TBC1D22A: variants seen among roughly 807,000 people sequenced by gnomAD.
TBC1D22A encodes TBC1 domain family member 22A.
In TBC1D22A, 38 loss-of-function variants were observed where a neutral mutation model predicts 60.2. The ratio of observed to expected loss-of-function variants is 0.63; its 90% CI spans 0.49 to 0.83. TBC1D22A has a LOEUF of 0.83. Among genes scored for constraint, TBC1D22A ranks in the 40% least tolerant of loss-of-function variants. TBC1D22A has a pLI of 0.00. For synonymous variants in TBC1D22A, 302 were observed against 281.7 expected (o/e 1.07, Z -0.72); for missense variants, 628 against 701.0 (o/e 0.90, Z 1.18).
chr22:47,173,531 G>A lies in TBC1D22A; in HGVS notation c.1459G>A (p.Ala487Thr). ...GCTCTTCCTCCAGAACCTGCCCACA[G>A]CCCACTGGGATGATGAGGACATCAG... The part of the protein sequence containing the change: ...LLLFLQNLPT[A>T]HWDDEDISLL... Residue 487 changes from alanine to threonine, a missense_variant, in exon 13 of 13, where the codon GCC (alanine) becomes ACC (threonine). Transcript: ENST00000337137. 6.2e-7 allele frequency: 1 copy of A among 1,614,128 alleles called. No individual in the cohort carries two copies. Among genetic ancestry groups the A allele is most frequent in the Non-Finnish European group, 8.5e-7 (1 of 1,180,000 alleles).
At chr22:46,920,361 G>A (rs983923447) in intron 8 of TBC1D22A, among the ~76,000 whole-genome samples, 2 of 151,866 alleles carry the variant, frequency 1.3e-5, no homozygotes, top group Admixed American at 6.5e-5. Context: ...TTACAGGCAC[G>A]AGCCACTGTG....
chr22:46,958,178 C>T (rs1321544188), intron 8 of TBC1D22A, among the ~76,000 whole-genome samples: 1 of 152,164 alleles, frequency 6.6e-6, no homozygotes, highest in East Asian at 1.9e-4. Context: ...TATATTTCTA[C>T]ATGGCACCCT....
chr22:46,996,303 G>A (rs566747566), intron 9 of TBC1D22A, among the ~76,000 whole-genome samples: 64 of 152,376 alleles, frequency 4.2e-4, no homozygotes, highest in Middle Eastern at 3.4e-3. Context: ...GCCATCCCCA[G>A]TGTCACTCCC....
chr22:47,080,591 C>T (rs73888865), intron 11 of TBC1D22A, among the ~76,000 whole-genome samples: 8,718 of 149,744 alleles, frequency 0.058, 281 homozygotes, highest in South Asian at 0.086. Flanking sequence ...ATAGCTAAAG[C>T]AGTGCTTGGG....
chr22:46,902,911 T>C (rs528497703), intron 7 of TBC1D22A, among the ~76,000 whole-genome samples: 119 of 151,198 alleles, frequency 7.9e-4, no homozygotes, highest in African/African-American at 2.8e-3. Flanking sequence ...CAGTTGTCAA[T>C]GAAACCACAG....
At chr22:46,937,298 G>A (rs148443157) in intron 8 of TBC1D22A, among the ~76,000 whole-genome samples, 1 of 152,306 alleles carries the variant, frequency 6.6e-6, no homozygotes, top group East Asian at 1.9e-4. Flanking sequence ...AGGATATACA[G>A]TTCTGCGCCA....
At position 46,935,976 on chromosome 22, in the gene TBC1D22A, C is replaced by T. The variant is rs368852720; in HGVS notation, c.1015+23788C>T. Among the ~76,000 whole-genome samples the T allele has an allele frequency of 3.9e-5, 6 of 152,382 alleles. No homozygotes were observed. In the South Asian group the frequency reaches 6.2e-4, roughly 16 times the overall value. On this transcript the variant is annotated intron_variant, in intron 8 of 12. Transcript: ENST00000337137. ...CTGGCCCCTCCTCTGAACTCTGAAGCGCTGTGCTTATGCAACTGTTTGCTG... is the reference window on the plus strand; with the variant it reads ...CTGGCCCCTCCTCTGAACTCTGAAGTGCTGTGCTTATGCAACTGTTTGCTG...
At chr22:46,934,759 C>T (rs1392334358) in intron 8 of TBC1D22A, among the ~76,000 whole-genome samples, 1 of 151,968 alleles carries the variant, frequency 6.6e-6, no homozygotes, top group African/African-American at 2.4e-5. Context: ...GTGCCGCCCC[C>T]GCTCAGCGTT....
At chr22:47,085,646 T>C (rs913330984) in intron 11 of TBC1D22A, among the ~76,000 whole-genome samples, 2 of 152,122 alleles carry the variant, frequency 1.3e-5, no homozygotes, top group East Asian at 3.9e-4. Flanking sequence ...GGTAAAACAA[T>C]ATTAAATATA....
In TBC1D22A at chr22:47,081,115, C is replaced by T. The variant is rs982803770; in HGVS notation, c.1330-30393C>T. On this transcript the variant is annotated intron_variant, in intron 11 of 12. Coordinates refer to ENST00000337137, the MANE Select transcript of TBC1D22A (RefSeq NM_014346.5). ...AGCCTGGGCAACAAGAGCGAAACTC[C>T]GTCTCAAAAAAAAAAAAAAAAAAAA... is the stretch of plus-strand genomic sequence containing the variant. Among the ~76,000 whole-genome samples the T allele has an allele frequency of 2.8e-5, 3 of 106,138 alleles. 1 individual carries two copies. The highest frequency in any genetic ancestry group is 7.0e-4 in the South Asian group (2 of 2,842). The allele number at this position is 106,138 out of a possible 152,430, so 69.6% of individuals were successfully genotyped here. A position where few individuals can be genotyped will look rare whatever the true frequency, so the allele number is the denominator to read the frequency against.
chr22:46,782,643 T>A (rs1228765410), intron 1 of TBC1D22A, among the ~76,000 whole-genome samples: 1 of 152,106 alleles, frequency 6.6e-6, no homozygotes, highest in Non-Finnish European at 1.5e-5. Flanking sequence ...CACTTCCCAT[T>A]CTCTCCTCCC....
chr22:47,173,410 C>G, intron 12 of TBC1D22A, 88 bp from the exon 13 acceptor site: 1 of 1,555,614 alleles, frequency 6.4e-7, no homozygotes, highest in Non-Finnish European at 8.8e-7. Flanking sequence ...CTGACCTGGG[C>G]TTGTATCTTT....
intron 12 of TBC1D22A, among the ~76,000 whole-genome samples, chr22:47,164,852 A>T: frequency 6.6e-6 from 1 of 152,168 alleles, no homozygotes; most frequent in East Asian, 1.9e-4. Flanking sequence ...TTGAATATGG[A>T]TTCAGACCCT....
chr22:47,086,925 A>G (rs2064717814), intron 11 of TBC1D22A, among the ~76,000 whole-genome samples: 1 of 152,272 alleles, frequency 6.6e-6, no homozygotes, highest in African/African-American at 2.4e-5. Context: ...CACTGTTTGC[A>G]GTAGCAAAAG....
chr22:46,883,261 G>C (rs1288238685), intron 5 of TBC1D22A, among the ~76,000 whole-genome samples: 1 of 152,172 alleles, frequency 6.6e-6, no homozygotes, highest in Non-Finnish European at 1.5e-5. Flanking sequence ...GGAACAATTT[G>C]ATTTTTGTGT....
intron 12 of TBC1D22A, among the ~76,000 whole-genome samples, chr22:47,123,969 G>A (rs2066362350): frequency 6.6e-6 from 1 of 152,194 alleles, no homozygotes; most frequent in Admixed American, 6.5e-5. Flanking sequence ...GGGCCCACAT[G>A]CCTGCCTCCC....
chr22:46,801,688 C>T (rs2084903788), intron 4 of TBC1D22A, among the ~76,000 whole-genome samples: 1 of 152,208 alleles, frequency 6.6e-6, no homozygotes, highest in Non-Finnish European at 1.5e-5. Context: ...CCTCGGAGGG[C>T]AAACTGTGTG....
At chr22:46,910,201 C>T (rs748200152) in intron 7 of TBC1D22A, among the ~76,000 whole-genome samples, 2 of 152,134 alleles carry the variant, frequency 1.3e-5, no homozygotes, top group African/African-American at 4.8e-5. Flanking sequence ...GGTGGTGGCT[C>T]TGTTACTCAC....
chr22:47,131,216 A>AT (rs2066667272), intron 12 of TBC1D22A, among the ~76,000 whole-genome samples: 2 of 152,172 alleles, frequency 1.3e-5, no homozygotes, highest in Non-Finnish European at 2.9e-5. Context: ...CCACCATGAG[A>AT]TTGAGAGGGC....
Sources: gnomAD v4.1 joint callset for allele counts (sites outside exome capture counted in the v4.1 genomes callset) on GRCh38, gnomAD v4.1.1 for gene constraint, MANE v1.5 for transcripts, NCBI Gene and HGNC (gene_info 2026-07-23, HGNC 2026-07-21) for gene names.